The following DENND4C variants were observed in gnomAD, a reference collection of about 807,000 sequenced individuals.
DENND4C encodes DENN domain-containing protein 4C.
DENND4C carries 108 observed loss-of-function variants against 203.0 expected under a neutral mutation model. The ratio of observed to expected loss-of-function variants is 0.53; its 90% CI spans 0.46 to 0.62. The LOEUF (loss-of-function observed/expected upper bound fraction) is 0.62, where lower values mean the gene tolerates loss of function less well. DENND4C is among the 20% of genes least tolerant of loss of function. The probability of loss-of-function intolerance (pLI) is 0.00; values close to 1 mark genes in which losing one functional copy is unlikely to be tolerated. For missense variants in DENND4C, 2,481 were observed against 2,301.2 expected (o/e 1.08, Z -1.60); for synonymous variants, 871 against 792.4 (o/e 1.10, Z -1.67).
At position 19,346,158 on chromosome 9, in the gene DENND4C, C is replaced by A. The variant is rs752472820; in HGVS notation, c.3389C>A (p.Thr1130Lys). The A allele has an allele frequency of 6.8e-6, 11 of 1,614,226 alleles. No individual in the cohort carries two copies. Among genetic ancestry groups the A allele is most frequent in the Non-Finnish European group, 9.3e-6 (11 of 1,180,032 alleles). Reference sequence around the variant, plus strand: ...ATGGGAGCAGATGCCAAGATTCTCACAGCAGCATTGACATGTCCTAAGACT... The same window carrying A: ...ATGGGAGCAGATGCCAAGATTCTCAAAGCAGCATTGACATGTCCTAAGACT... The part of the protein sequence containing the change: ...IMMGADAKIL[T>K]AALTCPKTSL... Residue 1130 changes from threonine to lysine, a missense_variant, in exon 23 of 33, where the codon ACA (threonine) becomes AAA (lysine). Thr to Lys is a moderately conservative substitution (Grantham distance 78). Coordinates refer to ENST00000434457, the MANE Select transcript of DENND4C (RefSeq NM_001330640.2).
Position 19,316,822 on chromosome 9 carries a change from C to G in DENND4C, c.1790C>G (p.Ser597Ter). The G allele has an allele frequency of 6.2e-7, 1 of 1,613,158 alleles. No homozygotes were observed. The highest frequency in any genetic ancestry group is 1.1e-5 in the South Asian group (1 of 90,852). The change falls in exon 12 of 33, where the codon TCA becomes TGA. Residue 597 changes from serine to a stop codon, truncating the protein, a stop_gained. Coordinates refer to ENST00000434457, the MANE Select transcript of DENND4C (RefSeq NM_001330640.2). LOFTEE classifies it high-confidence loss of function. ...APSNKATAADSLFDRQGFLKS... is the reference protein window; with the variant it reads ...APSNKATAAD ...TCAAATAAAGCCACAGCTGCTGATT[C>G]ATTGTTTGACCGACAGGGTGAGTAG...
Position 19,285,461 on chromosome 9 carries a change from AGT to A in DENND4C, c.306-1307_306-1306del, listed in dbSNP as rs531052018. Among the ~76,000 whole-genome samples, 215 of 152,210 alleles carry A rather than the reference AGT, an allele frequency of 1.4e-3. 1 individual carries two copies. Among genetic ancestry groups the A allele is most frequent in the African/African-American group, 4.8e-3 (201 of 41,554 alleles). On this transcript the variant is annotated intron_variant, in intron 2 of 32. Transcript: ENST00000434457. ...CCATACCCATTAGCAGTTGCTATTT[AGT>A]ATTCTTTCCCACCTTCTACCCCTAG...
rs527605233 is a variant in DENND4C at position 19,245,028 on chromosome 9, C to G, written c.-18+14195C>G. 2.7e-4 allele frequency among the ~76,000 whole-genome samples: 41 copies of G among 152,296 alleles called. No homozygotes were observed. The South Asian group carries it at 3.3e-3, about 12-fold the overall frequency. ...TGCAGATCGCAGGTTTCTTTTCTAA[C>G]CTACCTTAGCTGTCTGCATGCATAA... On this transcript the variant is annotated intron_variant, in intron 1 of 32. Coordinates refer to ENST00000434457, the MANE Select transcript of DENND4C (RefSeq NM_001330640.2).
rs1439185622 is a variant in DENND4C at position 19,230,792 on chromosome 9, GAA to G, written c.-58_-57del. On this transcript the variant is annotated 5_prime_UTR_variant, in exon 1 of 33. Transcript: ENST00000434457. ...ATCCGGTGCTTTCTTGCCCCAGGAA[GAA>G]GCCGTGTCGGGGCTGCGCTGACAGA... The G allele has an allele frequency of 6.6e-6, 1 of 152,458 alleles. No individual in the cohort carries two copies. The highest frequency in any genetic ancestry group is 1.5e-5 in the Non-Finnish European group (1 of 68,218). 9.4% of individuals were successfully genotyped at this position (152,458 alleles called of 1,614,324 possible). A position where few individuals can be genotyped will look rare whatever the true frequency, so the allele number is the denominator to read the frequency against.
intron 5 of DENND4C, among the ~76,000 whole-genome samples, chr9:19,293,500 T>G (rs997858833): frequency 2.0e-5 from 3 of 151,808 alleles, no homozygotes; most frequent in African/African-American, 7.3e-5. Flanking sequence ...GGAATGTGTG[T>G]GTAAAGGCAA....
chr9:19,336,538 CAG>C, intron 19 of DENND4C, 124 bp downstream of exon 19: 1 of 1,436,148 alleles, frequency 7.0e-7, no homozygotes, highest in Non-Finnish European at 9.2e-7. Flanking sequence ...CATTTAAAGA[CAG>C]ATTGTCTTAG....
rs140430325 is a variant in DENND4C at position 19,246,471 on chromosome 9, C to G, written c.-18+15638C>G. Among the ~76,000 whole-genome samples, 1,332 of 152,226 alleles carry G rather than the reference C, an allele frequency of 8.8e-3. 23 individuals carry two copies. Among genetic ancestry groups the G allele is most frequent in the African/African-American group, 0.03 (1,253 of 41,542 alleles). ...TTTTTATAATAGAGATGAGGTCTCG[C>G]TATGTCAAGCAATCCTCCCACCTTG... On this transcript the variant is annotated intron_variant, in intron 1 of 32. Transcript: ENST00000434457.
intron 1 of DENND4C, among the ~76,000 whole-genome samples, chr9:19,256,748 T>C (rs1828066497): frequency 6.6e-6 from 1 of 152,090 alleles, no homozygotes; most frequent in African/African-American, 2.4e-5. Context: ...AAATTATCTA[T>C]TGGGCAAAGA....
chr9:19,318,111 G>A (rs566928332), intron 12 of DENND4C, among the ~76,000 whole-genome samples: 7 of 152,274 alleles, frequency 4.6e-5, no homozygotes, highest in Non-Finnish European at 8.8e-5. Flanking sequence ...CTGAGGTTAC[G>A]AGTTCGAGAC....
At chr9:19,278,974 G>T in intron 2 of DENND4C, among the ~76,000 whole-genome samples, 1 of 152,152 alleles carries the variant, frequency 6.6e-6, no homozygotes, top group Non-Finnish European at 1.5e-5. Context: ...CTGGAAGCTT[G>T]TTAGAAACTC....
chr9:19,359,293 C>G (rs1377919961), intron 28 of DENND4C, among the ~76,000 whole-genome samples: 2 of 151,740 alleles, frequency 1.3e-5, no homozygotes, highest in African/African-American at 4.9e-5. Context: ...GTTGCCCAGG[C>G]TATTCCTAAA....
chr9:19,346,733 C>T lies in DENND4C; in HGVS notation c.3964C>T (p.Leu1322=), dbSNP rs1431179033. 2 of 1,614,158 alleles carry T rather than the reference C, an allele frequency of 1.2e-6. No individual in the cohort carries two copies. The highest frequency in any genetic ancestry group is 1.7e-6 in the Non-Finnish European group (2 of 1,180,012). The change falls in exon 23 of 33, where the codon CTA becomes TTA. Residue 1322 remains leucine, a synonymous_variant. Coordinates refer to ENST00000434457, the MANE Select transcript of DENND4C (RefSeq NM_001330640.2). ...SGMTTAFIHA[L]ERRSSLPLDH... is the part of the protein sequence containing the mutation. ...CATGACTACTGCATTTATTCATGCT[C>T]TAGAGAGGAGATCAAGCCTACCTTT... is the stretch of plus-strand genomic sequence containing the variant.
intron 15 of DENND4C, 75 bp downstream of exon 15, chr9:19,326,269 A>G (rs927219248): frequency 1.4e-6 from 2 of 1,449,226 alleles, no homozygotes; most frequent in Non-Finnish European, 1.8e-6. Context: ...AGATATGTAT[A>G]TTAGTCTTTT....
chr9:19,261,236 C>T (rs905391249), intron 1 of DENND4C, among the ~76,000 whole-genome samples: 1 of 152,050 alleles, frequency 6.6e-6, no homozygotes, highest in Non-Finnish European at 1.5e-5. Flanking sequence ...TATTTTAATG[C>T]CACTGACATG....
intron 5 of DENND4C, among the ~76,000 whole-genome samples, chr9:19,294,601 G>T (rs1837042867): frequency 6.6e-6 from 1 of 152,182 alleles, no homozygotes; most frequent in Non-Finnish European, 1.5e-5. Context: ...TTGTAGCAGG[G>T]TTATTCACGA....
intron 30 of DENND4C, among the ~76,000 whole-genome samples, chr9:19,365,120 G>A (rs1294065043): frequency 5.9e-5 from 9 of 152,090 alleles, no homozygotes; most frequent in Admixed American, 5.9e-4. Context: ...TTAAAAATCA[G>A]TATCATTTAG....
chr9:19,337,108 T>G lies in DENND4C; in HGVS notation c.2881+276T>G, dbSNP rs141077158. On this transcript the variant is annotated intron_variant, in intron 20 of 32. Transcript: ENST00000434457. ...AAGTGTATGCTATAATTAGGAATCA[T>G]GAGCTAAGGAACTTGAAAATTAGTG... Among the ~76,000 whole-genome samples the G allele has an allele frequency of 7.4e-3, 1,124 of 152,314 alleles. 17 individuals are homozygous for G. The highest frequency in any genetic ancestry group is 0.026 in the African/African-American group (1,087 of 41,562).
At chr9:19,237,084 G>T (rs532974297) in intron 1 of DENND4C, among the ~76,000 whole-genome samples, 7 of 152,086 alleles carry the variant, frequency 4.6e-5, no homozygotes, top group African/African-American at 1.7e-4. Flanking sequence ...GCAATGGCAC[G>T]ATCTCGGCTC....
At chr9:19,279,878 CAA>C (rs1833683597) in intron 2 of DENND4C, among the ~76,000 whole-genome samples, 1 of 147,290 alleles carries the variant, frequency 6.8e-6, no homozygotes, top group African/African-American at 2.5e-5. Flanking sequence ...TTCCCAGAAA[CAA>C]TGGTTTAAAA....
Sources: allele counts gnomAD v4.1 joint callset (sites outside exome capture counted in the v4.1 genomes callset), GRCh38; gene constraint gnomAD v4.1.1; transcripts MANE v1.5; gene names NCBI Gene and HGNC (gene_info 2026-07-23, HGNC 2026-07-21).